LAMA2: variants seen among roughly 807,000 people sequenced by gnomAD.
The protein encoded by LAMA2 is laminin subunit alpha-2.
Under a neutral mutation model 364.8 loss-of-function variants are expected in LAMA2, and 269 were observed. The ratio of observed to expected loss-of-function variants is 0.74; its 90% CI spans 0.67 to 0.82. LAMA2 has a LOEUF of 0.82. LAMA2 is among the 40% of genes least tolerant of loss of function. The probability of loss-of-function intolerance (pLI) is 0.00; values close to 1 mark genes in which losing one functional copy is unlikely to be tolerated. For missense variants in LAMA2, 3,807 were observed against 3,873.2 expected, an observed-to-expected ratio of 0.98 and a Z score of 0.45; for synonymous variants, 1,379 against 1,370.6, an observed-to-expected ratio of 1.01 and a Z score of -0.14.
chr6:129,177,004 T>C (rs1458836594), intron 9 of LAMA2, among the ~76,000 whole-genome samples: 2 of 152,166 alleles, frequency 1.3e-5, no homozygotes, highest in South Asian at 2.1e-4. Context: ...TATATATTAC[T>C]GATTTGCTTT....
At chr6:129,089,169 A>C (rs1202268897) in intron 3 of LAMA2, among the ~76,000 whole-genome samples, 1 of 152,244 alleles carries the variant, frequency 6.6e-6, no homozygotes, top group African/African-American at 2.4e-5. Context: ...ACTAAGTGTT[A>C]AGTGACTCTG....
intron 49 of LAMA2, among the ~76,000 whole-genome samples, chr6:129,460,893 C>T (rs1783220017): frequency 6.6e-6 from 1 of 151,472 alleles, no homozygotes; most frequent in Non-Finnish European, 1.5e-5. Context: ...GAACAAGGGG[C>T]CGAGATAGTC....
intron 29 of LAMA2, among the ~76,000 whole-genome samples, chr6:129,337,729 T>A (rs1383425884): frequency 6.6e-6 from 1 of 151,968 alleles, no homozygotes; most frequent in African/African-American, 2.4e-5. Flanking sequence ...AGTTTTCCAG[T>A]GTGCAAAAAA....
chr6:128,929,678 C>CT (rs71543152), intron 1 of LAMA2: 151,450 of 1,412,512 alleles, frequency 0.11, 9,637 homozygotes, highest in African/African-American at 0.25. Flanking sequence ...AAGCCAACGC[C>CT]AAGAAATCAA....
chr6:129,333,101 AG>A (rs777299138), intron 29 of LAMA2, among the ~76,000 whole-genome samples: 7 of 152,030 alleles, frequency 4.6e-5, no homozygotes, highest in African/African-American at 7.2e-5. Flanking sequence ...CATTTTAGCC[AG>A]GCTGATTTCA....
intron 3 of LAMA2, among the ~76,000 whole-genome samples, chr6:129,070,579 A>G (rs771074704): frequency 3.9e-5 from 6 of 152,090 alleles, no homozygotes; most frequent in Non-Finnish European, 8.8e-5. Flanking sequence ...GATATCCTCC[A>G]GATTACTTAA....
intron 1 of LAMA2, among the ~76,000 whole-genome samples, chr6:128,945,110 G>A (rs1209282746): frequency 6.6e-6 from 1 of 152,206 alleles, no homozygotes; most frequent in Non-Finnish European, 1.5e-5. Context: ...AGCAGGCGTA[G>A]ACAAGATATA....
At chr6:129,067,214 T>C (rs1000052904) in intron 3 of LAMA2, among the ~76,000 whole-genome samples, 1 of 151,022 alleles carries the variant, frequency 6.6e-6, no homozygotes, top group African/African-American at 2.4e-5. Flanking sequence ...GATTATAATA[T>C]ACATGTTCCA....
rs141857004 is a variant in LAMA2 at position 129,445,669 on chromosome 6, G to A, written c.6277G>A (p.Ala2093Thr). ...VKDPSKNKIIADADATVKNLE... is the reference protein window; with the variant it reads ...VKDPSKNKIITDADATVKNLE... ...CACACTAATTTTGTTCTATGCAGTT[G>A]CCGATGCAGATGCCACTGTCAAAAA... Residue 2093 changes from alanine to threonine, a missense_variant and splice_region_variant, in exon 45 of 65, where the codon GCC (alanine) becomes ACC (threonine). Physicochemically the swap from Ala to Thr is moderately conservative, Grantham distance 58. Around this residue, in one of 3 missense-constraint regions of LAMA2, gnomAD observed 3,333 missense variants for 3,345.7 expected, o/e 1.00. Transcript: ENST00000421865. 36 of 1,613,748 alleles carry A rather than the reference G, an allele frequency of 2.2e-5. No homozygotes were observed. The highest frequency in any genetic ancestry group is 3.1e-5 in the Non-Finnish European group (36 of 1,179,836).
intron 7 of LAMA2, among the ~76,000 whole-genome samples, chr6:129,152,779 T>C (rs1430608713): frequency 1.3e-5 from 2 of 152,294 alleles, no homozygotes; most frequent in Middle Eastern, 3.4e-3. Flanking sequence ...ACATGGAAAC[T>C]GTGTAACTGT....
intron 20 of LAMA2, among the ~76,000 whole-genome samples, chr6:129,295,919 G>A (rs781499096): frequency 1.3e-4 from 19 of 151,594 alleles, no homozygotes; most frequent in South Asian, 2.1e-4. Context: ...TTTCAATACC[G>A]TTTTAATATA....
intron 45 of LAMA2, among the ~76,000 whole-genome samples, chr6:129,447,178 A>C (rs1782429404): frequency 6.6e-6 from 1 of 152,238 alleles, no homozygotes; most frequent in Non-Finnish European, 1.5e-5. Flanking sequence ...TCACTCACAA[A>C]GTTTATAAAA....
chr6:129,399,096 T>C (rs17057259), intron 37 of LAMA2, among the ~76,000 whole-genome samples: 7,704 of 152,322 alleles, frequency 0.051, 262 homozygotes, highest in African/African-American at 0.085. Context: ...CATTGGTATT[T>C]CTGATTTTTA....
intron 1 of LAMA2, among the ~76,000 whole-genome samples, chr6:129,039,946 G>A (rs921267585): frequency 1.3e-5 from 2 of 152,312 alleles, no homozygotes; most frequent in South Asian, 4.1e-4. Context: ...GGGACCCCGG[G>A]TTAGGATGCT....
rs1243474580 is a variant in LAMA2 at position 129,427,811 on chromosome 6, C to T, written c.5925C>T (p.Phe1975=). 1.2e-6 allele frequency: 2 copies of T among 1,613,860 alleles called. No homozygotes were observed. Among genetic ancestry groups the T allele is most frequent in the Non-Finnish European group, 1.7e-6 (2 of 1,179,856 alleles). Residue 1975 remains phenylalanine (F), a synonymous_variant, in exon 41 of 65, where the codon TTC becomes TTT. Transcript: ENST00000421865. ...CCAAAGGCTGTCTTCAGAAAAGCTT[C>T]AGGATTCTTAACGAAGCCAAGAAGT... is the stretch of plus-strand genomic sequence containing the variant. The part of the protein sequence containing the change: ...EDAKGCLQKS[F]RILNEAKKLA...
intron 1 of LAMA2, among the ~76,000 whole-genome samples, chr6:129,033,727 G>T (rs1449098465): frequency 6.6e-6 from 1 of 152,024 alleles, no homozygotes; most frequent in Admixed American, 6.6e-5. Flanking sequence ...CTTGATTTTG[G>T]AAGAAAGACA....
At chr6:129,083,044 T>G (rs1458081922) in intron 3 of LAMA2, among the ~76,000 whole-genome samples, 1 of 150,616 alleles carries the variant, frequency 6.6e-6, no homozygotes, top group Non-Finnish European at 1.5e-5. Flanking sequence ...ACCATTAACG[T>G]TTGGATTTAT....
At chr6:129,269,585 C>T (rs1787779123) in intron 16 of LAMA2, among the ~76,000 whole-genome samples, 1 of 152,000 alleles carries the variant, frequency 6.6e-6, no homozygotes, top group Non-Finnish European at 1.5e-5. Flanking sequence ...CCATTTTCAA[C>T]ATGTTTAAGG....
intron 1 of LAMA2, among the ~76,000 whole-genome samples, chr6:128,888,737 A>G (rs1776284992): frequency 1.3e-5 from 2 of 152,214 alleles, no homozygotes; most frequent in Non-Finnish European, 2.9e-5. Flanking sequence ...TGGAACACAT[A>G]GCATTGTTGA....
Sources: gnomAD v4.1 joint callset for allele counts (sites outside exome capture counted in the v4.1 genomes callset) on GRCh38, gnomAD v4.1.1 for gene constraint, gnomAD v4.1.1 regional missense constraint, MANE v1.5 for transcripts, NCBI Gene and HGNC (gene_info 2026-07-23, HGNC 2026-07-21) for gene names.